DPYD: variants seen among roughly 807,000 people sequenced by gnomAD.
DPYD encodes dihydropyrimidine dehydrogenase, also known as dihydropyrimidine dehydrogenase [NADP(+)].
In DPYD, 109 loss-of-function variants were observed where a neutral mutation model predicts 116.2. The observed-to-expected ratio is 0.94, with a 90% CI of 0.80 to 1.10. The LOEUF (loss-of-function observed/expected upper bound fraction) is 1.10, where lower values mean the gene tolerates loss of function less well. DPYD is among the 50% of genes least tolerant of loss of function. The pLI is 0.00. For synonymous variants in DPYD, 440 were observed against 432.0 expected (o/e 1.02, Z -0.23); for missense variants, 1,302 against 1,254.5 (o/e 1.04, Z -0.57).
intron 13 of DPYD, among the ~76,000 whole-genome samples, chr1:97,452,042 AT>A (rs1676443938): frequency 6.6e-6 from 1 of 152,096 alleles, no homozygotes; most frequent in African/African-American, 2.4e-5. Flanking sequence ...TTTGATGACC[AT>A]TTTTTAATTC....
chr1:97,587,509 G>A (rs1313823305), intron 10 of DPYD, among the ~76,000 whole-genome samples: 1 of 152,074 alleles, frequency 6.6e-6, no homozygotes, highest in Non-Finnish European at 1.5e-5. Flanking sequence ...ATTAAAACTA[G>A]AAAACATCAG....
At chr1:97,816,796 T>C (rs1243684888) in intron 3 of DPYD, among the ~76,000 whole-genome samples, 7 of 152,114 alleles carry the variant, frequency 4.6e-5, no homozygotes, top group Admixed American at 4.6e-4. Flanking sequence ...ACTAATTACT[T>C]GAAAGAGTAA....
At chr1:97,481,188 AC>A (rs1678275460) in intron 13 of DPYD, among the ~76,000 whole-genome samples, 1 of 152,172 alleles carries the variant, frequency 6.6e-6, no homozygotes. Context: ...AGGACGCTCA[AC>A]CTTACTAATA....
chr1:97,086,465 A>G (rs1311360553), intron 21 of DPYD, among the ~76,000 whole-genome samples: 1 of 151,916 alleles, frequency 6.6e-6, no homozygotes, highest in Non-Finnish European at 1.5e-5. Context: ...TTCATTCTGA[A>G]TTTATTACGA....
In DPYD at chr1:97,309,753, G is replaced by A. The variant is rs1667389623; in HGVS notation, c.2059-3456C>T. ...AGAAAAGGTAATGCTGAGGAATGCA[G>A]ATTACTTGCTGCAGTAATGTCCATT... On this transcript the variant is annotated intron_variant, in intron 16 of 22. Coordinates refer to ENST00000370192, the MANE Select transcript of DPYD (RefSeq NM_000110.4). 2.0e-5 allele frequency among the ~76,000 whole-genome samples: 3 copies of A among 151,772 alleles called. No homozygotes were observed. The Admixed American group carries it at 2.0e-4, about 10-fold the overall frequency.
chr1:97,350,446 T>C (rs76963298), intron 16 of DPYD, among the ~76,000 whole-genome samples: 5,723 of 152,248 alleles, frequency 0.038, 160 homozygotes, highest in East Asian at 0.08. Context: ...ATAACATTTT[T>C]ATATTTACTC....
At chr1:97,381,972 T>C (rs995177978) in intron 15 of DPYD, among the ~76,000 whole-genome samples, 15 of 152,322 alleles carry the variant, frequency 9.8e-5, no homozygotes, top group African/African-American at 3.4e-4. Flanking sequence ...TTTTATACTT[T>C]AAATATTCAA....
chr1:97,863,063 G>T (rs1671201706), intron 2 of DPYD, among the ~76,000 whole-genome samples: 1 of 151,734 alleles, frequency 6.6e-6, no homozygotes, highest in South Asian at 2.1e-4. Flanking sequence ...TTTTACTCAA[G>T]AAGTTATGAC....
chr1:97,170,494 G>C (rs1255956309), intron 20 of DPYD, among the ~76,000 whole-genome samples: 2 of 152,068 alleles, frequency 1.3e-5, no homozygotes, highest in Non-Finnish European at 2.9e-5. Context: ...ATGCAGCCAG[G>C]CAACCATACA....
intron 14 of DPYD, among the ~76,000 whole-genome samples, chr1:97,408,281 G>A (rs543550258): frequency 2.6e-5 from 4 of 152,240 alleles, no homozygotes; most frequent in East Asian, 1.9e-4. Context: ...CTACGACCAC[G>A]TGACCAGCTA....
intron 20 of DPYD, among the ~76,000 whole-genome samples, chr1:97,192,322 A>C (rs1658432221): frequency 6.6e-6 from 1 of 151,926 alleles, no homozygotes; most frequent in Admixed American, 6.6e-5. Flanking sequence ...TGCTTCCTTA[A>C]AGAATCTTTT....
intron 2 of DPYD, among the ~76,000 whole-genome samples, chr1:97,865,416 G>C (rs1388577761): frequency 6.6e-6 from 1 of 151,844 alleles, no homozygotes; most frequent in Non-Finnish European, 1.5e-5. Context: ...GGAATGTTAA[G>C]ACCTAAAATC....
At chr1:97,847,352 G>A (rs1215857785) in intron 2 of DPYD, among the ~76,000 whole-genome samples, 1 of 152,074 alleles carries the variant, frequency 6.6e-6, no homozygotes, top group Non-Finnish European at 1.5e-5. Flanking sequence ...AAAAATAAAA[G>A]TGTTACAAAC....
chr1:97,145,745 T>G lies in DPYD; in HGVS notation c.2623-47113A>C, dbSNP rs1220853852. 1.2e-3 allele frequency among the ~76,000 whole-genome samples: 46 copies of G among 38,896 alleles called. No individual in the cohort carries two copies. The East Asian group carries it at 0.054, about 45-fold the overall frequency. 25.5% of individuals were successfully genotyped at this position (38,896 alleles called of 152,430 possible). A position where few individuals can be genotyped will look rare whatever the true frequency, so the allele number is the denominator to read the frequency against. ...GAGTACAGAAAAGAATTGTGTGGGT[T>G]TTTTTTTTTTTTTTTGGCATTGTTT... is the stretch of plus-strand genomic sequence containing the variant. On this transcript the variant is annotated intron_variant, in intron 20 of 22. Transcript: ENST00000370192.
intron 18 of DPYD, among the ~76,000 whole-genome samples, chr1:97,257,654 G>GA (rs1663591572): frequency 6.6e-6 from 1 of 151,366 alleles, no homozygotes; most frequent in African/African-American, 2.4e-5. Context: ...CCATCAATTT[G>GA]AAAAAATTCT....
At chr1:97,595,261 A>G in intron 8 of DPYD, 95 bp from the exon 9 acceptor site, 3 of 928,594 alleles carry the variant, frequency 3.2e-6, no homozygotes, top group Non-Finnish European at 3.4e-6. Context: ...CTTTGAAATA[A>G]TGTCATTCTT....
chr1:97,813,648 C>T (rs1006142618), intron 3 of DPYD, among the ~76,000 whole-genome samples: 7 of 152,108 alleles, frequency 4.6e-5, no homozygotes, highest in Non-Finnish European at 7.4e-5. Context: ...AATAAAATTA[C>T]TACTATTACT....
intron 21 of DPYD, among the ~76,000 whole-genome samples, chr1:97,090,863 GT>G (rs1434025504): frequency 2.0e-5 from 3 of 152,092 alleles, no homozygotes; most frequent in Admixed American, 2.0e-4. Flanking sequence ...TGCCGTGTCT[GT>G]TTTTTTGAAT....
At chr1:97,343,396 T>C (rs1019360795) in intron 16 of DPYD, among the ~76,000 whole-genome samples, 3 of 152,162 alleles carry the variant, frequency 2.0e-5, no homozygotes, top group Non-Finnish European at 1.5e-5. Flanking sequence ...CTAGGTTGCA[T>C]GTGTATTATC....
Sources: allele counts gnomAD v4.1 joint callset (sites outside exome capture counted in the v4.1 genomes callset), GRCh38; gene constraint gnomAD v4.1.1; transcripts MANE v1.5; gene names NCBI Gene and HGNC (gene_info 2026-07-23, HGNC 2026-07-21).